Variants in ARHGAP39 observed in about 807,000 individuals in gnomAD.
The protein encoded by ARHGAP39 is rho GTPase-activating protein 39.
A neutral mutation model predicts 106.9 loss-of-function variants in ARHGAP39; 44 were observed. The observed-to-expected ratio is 0.41, with a 90% CI of 0.32 to 0.53. The LOEUF (loss-of-function observed/expected upper bound fraction) is 0.53, where lower values mean the gene tolerates loss of function less well. ARHGAP39 is among the 20% of genes least tolerant of loss of function. The probability of loss-of-function intolerance (pLI) is 0.21; values close to 1 mark genes in which losing one functional copy is unlikely to be tolerated. For missense variants in ARHGAP39, 1,496 were observed against 1,577.3 expected, an observed-to-expected ratio of 0.95 and a Z score of 0.87; for synonymous variants, 768 against 693.2, an observed-to-expected ratio of 1.11 and a Z score of -1.69.
At chr8:144,693,624 C>G in the ARHGAP39 span, among the ~76,000 whole-genome samples, 1 of 152,136 alleles carries the variant, frequency 6.6e-6, no homozygotes, top group Non-Finnish European at 1.5e-5. Flanking sequence ...CCACCCGCCT[C>G]GGCCTCCCAG....
chr8:144,631,782 G>A (rs569368873), intron 1 of ARHGAP39, among the ~76,000 whole-genome samples: 3 of 152,340 alleles, frequency 2.0e-5, no homozygotes, highest in African/African-American at 7.2e-5. Context: ...GCTTCACCTC[G>A]GCCAGAGCCC....
In ARHGAP39 at chr8:144,537,762, T is replaced by G. The variant is rs1371545514; in HGVS notation, c.2573A>C (p.Lys858Thr). 6.2e-7 allele frequency: 1 copy of G among 1,614,124 alleles called. No homozygotes were observed. The highest frequency in any genetic ancestry group is 8.5e-7 in the Non-Finnish European group (1 of 1,179,984). ...LLERNTKKKS[K>T]LRKKPKPYVE... The stretch of plus-strand genomic sequence containing the variant: ...ATAAGGCTTGGGTTTCTTTCTCAAT[T>G]TGGACTTCTTCTTAGTGTTTCTTTC... The change falls in exon 7 of 12, where the codon AAA becomes ACA. Residue 858 changes from lysine (K) to threonine (T), a missense_variant. By Grantham distance (78) the Lys-to-Thr change is moderately conservative. Coordinates refer to ENST00000377307, the MANE Select transcript of ARHGAP39 (RefSeq NM_025251.3).
At chr8:144,583,061 AACCACACGCAACAGGGGCC>A (rs760552705) in intron 2 of ARHGAP39, among the ~76,000 whole-genome samples, 48 of 152,216 alleles carry the variant, frequency 3.2e-4, no homozygotes, top group Non-Finnish European at 5.9e-4. Flanking sequence ...CCGTCCAGCA[AACCACACGCAACAGGGGCC>A]ACCCCCGCTC....
intron 3 of ARHGAP39, among the ~76,000 whole-genome samples, chr8:144,562,549 C>G (rs1001860114): frequency 1.2e-3 from 159 of 133,276 alleles, no homozygotes; most frequent in African/African-American, 3.8e-3. Flanking sequence ...GTTTCCATCA[C>G]ACTCCAGTGG....
intron 8 of ARHGAP39, 136 bp downstream of exon 8, chr8:144,533,993 C>A: frequency 1.0e-6 from 1 of 989,398 alleles, no homozygotes; most frequent in Non-Finnish European, 1.5e-6. Flanking sequence ...TACCCCGCCA[C>A]CCGCCTAGGC....
At chr8:144,627,837 G>A (rs1820964405) in intron 1 of ARHGAP39, among the ~76,000 whole-genome samples, 1 of 152,224 alleles carries the variant, frequency 6.6e-6, no homozygotes. Context: ...AGACCTCCCT[G>A]CACCCTGGAC....
chr8:144,600,399 T>C (rs956674763), intron 2 of ARHGAP39, among the ~76,000 whole-genome samples: 1 of 141,592 alleles, frequency 7.1e-6, no homozygotes, highest in Non-Finnish European at 1.5e-5. Flanking sequence ...TGTGGAGGCG[T>C]GTGTGTGCAC....
At chr8:144,686,117 A>G (rs1447758780), upstream of ARHGAP39, among the ~76,000 whole-genome samples, 1 of 151,452 alleles carries the variant, frequency 6.6e-6, no homozygotes, top group Non-Finnish European at 1.5e-5. Flanking sequence ...GGTGCAGAGC[A>G]GTTACCATCT....
At chr8:144,690,169 TCTC>T (rs568178472), upstream of ARHGAP39, among the ~76,000 whole-genome samples, 136 of 152,092 alleles carry the variant, frequency 8.9e-4, 1 homozygote, top group African/African-American at 3.3e-3. Flanking sequence ...AATGGCATGA[TCTC>T]AGCTCACTGC....
At chr8:144,609,535 G>A (rs2130952793) in intron 1 of ARHGAP39, among the ~76,000 whole-genome samples, 1 of 151,582 alleles carries the variant, frequency 6.6e-6, no homozygotes, top group East Asian at 1.9e-4. Context: ...CCAAGTAGGT[G>A]GGATTATAGG....
chr8:144,660,906 C>A (rs1283352896), intron 1 of ARHGAP39, among the ~76,000 whole-genome samples: 1 of 152,118 alleles, frequency 6.6e-6, no homozygotes, highest in Non-Finnish European at 1.5e-5. Flanking sequence ...ATTGCTTGAA[C>A]CTGGGAGGTG....
At chr8:144,665,824 T>A (rs1358258146) in intron 1 of ARHGAP39, among the ~76,000 whole-genome samples, 1 of 152,244 alleles carries the variant, frequency 6.6e-6, no homozygotes, top group Non-Finnish European at 1.5e-5. Flanking sequence ...GCTAGGGCAG[T>A]GCAGAAGGGA....
rs113518741 is a variant in ARHGAP39 at position 144,543,991 on chromosome 8, G to A, written c.2521+1258C>T. The A allele has an allele frequency of 4.8e-3, 732 of 152,654 alleles. 6 individuals carry two copies. Among genetic ancestry groups the A allele is most frequent in the African/African-American group, 0.017 (695 of 41,568 alleles). 9.5% of individuals were successfully genotyped at this position (152,654 alleles called of 1,614,324 possible). A position where few individuals can be genotyped will look rare whatever the true frequency, so the allele number is the denominator to read the frequency against. On this transcript the variant is annotated intron_variant, in intron 6 of 11. Coordinates refer to ENST00000377307, the MANE Select transcript of ARHGAP39 (RefSeq NM_025251.3). ...CCCCTCTGGAAGAGGAAGAGGAGGT[G>A]AACTATGATGCCAAGAGGAACACAG...
intron 1 of ARHGAP39, among the ~76,000 whole-genome samples, chr8:144,619,689 CAT>C (rs1468480691): frequency 6.8e-6 from 1 of 147,320 alleles, no homozygotes; most frequent in African/African-American, 2.5e-5. Context: ...TGCCTGTGTG[CAT>C]GAGAGCTTGT....
intron 1 of ARHGAP39, among the ~76,000 whole-genome samples, chr8:144,675,393 C>T (rs1236563509): frequency 2.6e-5 from 4 of 152,222 alleles, no homozygotes; most frequent in African/African-American, 7.2e-5. Context: ...AGCCGCGGAC[C>T]CTCGCGGTGA....
chr8:144,666,269 C>T (rs1263376645), intron 1 of ARHGAP39, among the ~76,000 whole-genome samples: 1 of 152,210 alleles, frequency 6.6e-6, no homozygotes. Flanking sequence ...TACAGGCTCA[C>T]AGGCAGAAAA....
intron 1 of ARHGAP39, among the ~76,000 whole-genome samples, chr8:144,661,930 A>C (rs1164260045): frequency 3.2e-5 from 3 of 94,246 alleles, no homozygotes; most frequent in East Asian, 3.1e-4. Flanking sequence ...TCCATTATCC[A>C]CCTTGGACAG....
chr8:144,611,661 CAG>C (rs1820493739), intron 1 of ARHGAP39, among the ~76,000 whole-genome samples: 1 of 152,194 alleles, frequency 6.6e-6, no homozygotes, highest in South Asian at 2.1e-4. Context: ...TGCTTTACAT[CAG>C]AGTTAGAATT....
At chr8:144,589,065 G>A (rs1250668037) in intron 2 of ARHGAP39, among the ~76,000 whole-genome samples, 3 of 152,176 alleles carry the variant, frequency 2.0e-5, no homozygotes, top group Non-Finnish European at 2.9e-5. Context: ...TGTGGATTCC[G>A]TTAGTAACAA....
Sources: gnomAD v4.1 joint callset for allele counts (sites outside exome capture counted in the v4.1 genomes callset) on GRCh38, gnomAD v4.1.1 for gene constraint, MANE v1.5 for transcripts, NCBI Gene and HGNC (gene_info 2026-07-23, HGNC 2026-07-21) for gene names.